LRMDA: variants seen among roughly 807,000 people sequenced by gnomAD.
LRMDA encodes leucine rich melanocyte differentiation associated, also known as leucine-rich melanocyte differentiation-associated protein.
In LRMDA, 18 loss-of-function variants were observed where a neutral mutation model predicts 29.8. The observed-to-expected ratio is 0.60, with a 90% CI of 0.42 to 0.90. The LOEUF is 0.90. Among genes scored for constraint, LRMDA ranks in the 40% least tolerant of loss-of-function variants. LRMDA has a pLI of 0.00. For missense variants in LRMDA, 273 were observed against 273.9 expected (o/e 1.00, Z 0.02); for synonymous variants, 125 against 109.4 (o/e 1.14, Z -0.89).
chr10:76,176,592 G>C (rs1042520616), intron 5 of LRMDA, among the ~76,000 whole-genome samples: 1 of 152,166 alleles, frequency 6.6e-6, no homozygotes, highest in African/African-American at 2.4e-5. Flanking sequence ...TCAGGAGTTC[G>C]AGACCGGCCT....
chr10:75,555,999 A>G (rs1253896518), intron 2 of LRMDA, among the ~76,000 whole-genome samples: 1 of 152,198 alleles, frequency 6.6e-6, no homozygotes, highest in Admixed American at 6.5e-5. Flanking sequence ...ATCAATAGAC[A>G]TTATTCAGTC....
In LRMDA at chr10:76,274,794, C is replaced by T. The variant is rs191403396; in HGVS notation, c.517-49607C>T. On this transcript the variant is annotated intron_variant, in intron 5 of 6. Transcript: ENST00000611255. ...ACAAAAATCATATATGTCAATTTTA[C>T]ACAGGATCACTCACTGCTTTTCTGC... Among the ~76,000 whole-genome samples, 395 of 152,224 alleles carry T rather than the reference C, an allele frequency of 2.6e-3. 3 individuals are homozygous for T. Among genetic ancestry groups the T allele is most frequent in the African/African-American group, 9.1e-3 (377 of 41,542 alleles).
At chr10:76,071,331 T>C (rs1216200820) in intron 5 of LRMDA, among the ~76,000 whole-genome samples, 2 of 152,214 alleles carry the variant, frequency 1.3e-5, no homozygotes, top group African/African-American at 4.8e-5. Flanking sequence ...AGCCAAGTAC[T>C]GTATTATGAA....
chr10:75,978,000 TG>T (rs1218000763), intron 2 of LRMDA, among the ~76,000 whole-genome samples: 2 of 151,566 alleles, frequency 1.3e-5, no homozygotes, highest in Non-Finnish European at 2.9e-5. Flanking sequence ...TGGAGGAGAG[TG>T]GTTTATAAAT....
rs553515770 is a variant in LRMDA, at chr10:76,227,787, T to C, written c.517-96614T>C. On this transcript the variant is annotated intron_variant, in intron 5 of 6. Transcript: ENST00000611255. ...TAATATCGCATCAGTATGTACAGTA[T>C]TTTTTATTAAATACTGGCCAAGTAT... Among the ~76,000 whole-genome samples, 3 of 152,268 alleles carry C rather than the reference T, an allele frequency of 2.0e-5. No individual in the cohort carries two copies. The East Asian group carries it at 5.8e-4, about 29-fold the overall frequency.
chr10:75,454,339 C>A (rs561038897), intron 2 of LRMDA, among the ~76,000 whole-genome samples: 1 of 152,228 alleles, frequency 6.6e-6, no homozygotes, highest in East Asian at 1.9e-4. Flanking sequence ...CTGGCTTCTG[C>A]AACTCTCACT....
chr10:76,383,167 A>T (rs568446115), intron 6 of LRMDA, among the ~76,000 whole-genome samples: 111 of 152,278 alleles, frequency 7.3e-4, no homozygotes, highest in African/African-American at 2.6e-3. Flanking sequence ...CAAATACATG[A>T]TCTGAAGACA....
chr10:76,292,889 G>C (rs1335085485), intron 5 of LRMDA, among the ~76,000 whole-genome samples: 1 of 152,154 alleles, frequency 6.6e-6, no homozygotes, highest in African/African-American at 2.4e-5. Flanking sequence ...TGAACAAAAG[G>C]CCACTCTGAA....
At chr10:76,220,604 G>C (rs1851813672) in intron 5 of LRMDA, among the ~76,000 whole-genome samples, 1 of 152,120 alleles carries the variant, frequency 6.6e-6, no homozygotes, top group Admixed American at 6.5e-5. Flanking sequence ...ACCAATAACA[G>C]GCTCTGAAAT....
intron 2 of LRMDA, among the ~76,000 whole-genome samples, chr10:75,539,472 G>A (rs1342748749): frequency 6.6e-6 from 1 of 152,156 alleles, no homozygotes; most frequent in East Asian, 1.9e-4. Flanking sequence ...GAGAATGACT[G>A]AAGTCATGAA....
chr10:75,492,295 G>T (rs572822523), intron 2 of LRMDA, among the ~76,000 whole-genome samples: 1 of 152,306 alleles, frequency 6.6e-6, no homozygotes, highest in Admixed American at 6.5e-5. Context: ...GCCTGCAACA[G>T]AAAGAATCTT....
At chr10:76,101,542 G>GC in intron 5 of LRMDA, among the ~76,000 whole-genome samples, 1 of 152,290 alleles carries the variant, frequency 6.6e-6, no homozygotes, top group African/African-American at 2.4e-5. Flanking sequence ...TTTGAGAACA[G>GC]CCTGACCAAC....
chr10:76,244,589 C>G (rs2132288990), intron 5 of LRMDA, among the ~76,000 whole-genome samples: 1 of 152,262 alleles, frequency 6.6e-6, no homozygotes, highest in South Asian at 2.1e-4. Context: ...TGCAGTGTGG[C>G]TGGCCAGCTG....
intron 2 of LRMDA, among the ~76,000 whole-genome samples, chr10:75,930,032 T>A (rs765350063): frequency 7.2e-5 from 11 of 152,218 alleles, no homozygotes; most frequent in Non-Finnish European, 1.6e-4. Flanking sequence ...ATGAAGCACA[T>A]TGAAGACTGT....
intron 2 of LRMDA, among the ~76,000 whole-genome samples, chr10:75,924,022 GAT>G (rs1326449930): frequency 6.6e-6 from 1 of 152,174 alleles, no homozygotes; most frequent in Non-Finnish European, 1.5e-5. Context: ...GTTTCACAGA[GAT>G]ATTCCTTTTG....
chr10:76,194,420 CG>C (rs1415956826), intron 5 of LRMDA, among the ~76,000 whole-genome samples: 11 of 151,978 alleles, frequency 7.2e-5, no homozygotes, highest in Admixed American at 5.2e-4. Flanking sequence ...TTTGGGTATC[CG>C]GGTACACAAG....
rs186502320 is a variant in LRMDA, at chr10:76,441,684, G to C, written c.602-115525G>C. Among the ~76,000 whole-genome samples the C allele has an allele frequency of 1.3e-4, 20 of 152,268 alleles. No individual in the cohort carries two copies. In the East Asian group the frequency reaches 3.7e-3, roughly 28 times the overall value. Reference sequence around the variant, plus strand: ...CCCCCATCCAGCAGGATGTGGATGTGCGAGGCTCTGCCCCCCTCTCCTCTC... The same window carrying C: ...CCCCCATCCAGCAGGATGTGGATGTCCGAGGCTCTGCCCCCCTCTCCTCTC... On this transcript the variant is annotated intron_variant, in intron 6 of 6. Transcript: ENST00000611255.
chr10:76,125,501 C>T (rs1849863480), intron 5 of LRMDA, among the ~76,000 whole-genome samples: 1 of 152,208 alleles, frequency 6.6e-6, no homozygotes, highest in South Asian at 2.1e-4. Context: ...CATTGTATCA[C>T]ACCTGAAATG....
At chr10:76,132,820 G>C (rs940955464) in intron 5 of LRMDA, among the ~76,000 whole-genome samples, 4 of 149,708 alleles carry the variant, frequency 2.7e-5, no homozygotes, top group Non-Finnish European at 5.9e-5. Context: ...TTTGGCGGGG[G>C]GGGTCAGAGT....
Sources: gnomAD v4.1 joint callset for allele counts (sites outside exome capture counted in the v4.1 genomes callset) on GRCh38, gnomAD v4.1.1 for gene constraint, MANE v1.5 for transcripts, NCBI Gene and HGNC (gene_info 2026-07-23, HGNC 2026-07-21) for gene names.